The following FAM216A variants were observed in gnomAD, a reference collection of about 807,000 sequenced individuals.
The protein encoded by FAM216A is protein FAM216A.
In FAM216A, 26 loss-of-function variants were observed where a neutral mutation model predicts 37.6. The ratio of observed to expected loss-of-function variants is 0.69; its 90% confidence interval spans 0.51 to 0.96. The LOEUF is 0.96. Among genes scored for constraint, FAM216A ranks in the 40% least tolerant of loss-of-function variants. The pLI, the probability that FAM216A is intolerant of heterozygous loss-of-function variation, is 0.00. For missense variants in FAM216A, 326 were observed against 339.3 expected, an observed-to-expected ratio of 0.96 and a Z score of 0.31; for synonymous variants, 110 against 121.7, an observed-to-expected ratio of 0.90 and a Z score of 0.64.
At chr12:110,469,921 T>C (rs1228503484) in intron 1 of FAM216A, among the ~76,000 whole-genome samples, 1 of 152,172 alleles carries the variant, frequency 6.6e-6, no homozygotes, top group Non-Finnish European at 1.5e-5. Flanking sequence ...TATTTCGTTT[T>C]GAGCAGGTTT....
Position 110,483,193 on chromosome 12 carries a change from G to A in FAM216A, c.185-1885G>A, listed in dbSNP as rs1007144276. 4.4e-4 allele frequency among the ~76,000 whole-genome samples: 67 copies of A among 151,592 alleles called. No individual in the cohort carries two copies. The South Asian group carries it at 5.1e-3, about 11-fold the overall frequency. ...ACAAAAACTAGCTGGGCGTGGTGGC[G>A]GGCACCTGTAGTCCCAGCTACTCAG... On this transcript the variant is annotated intron_variant, in intron 2 of 6. Coordinates refer to ENST00000377673, the MANE Select transcript of FAM216A (RefSeq NM_013300.3).
rs373484483 is a variant in FAM216A at position 110,488,342 on chromosome 12, C to T, written c.703+399C>T. On this transcript the variant is annotated intron_variant, in intron 6 of 6. Transcript: ENST00000377673. ...AGGAGAATCGATTGAACCTGGGAGG[C>T]GGAGGTTGGAGTGAGCTGAGATTGC... Among the ~76,000 whole-genome samples, 161 of 142,944 alleles carry T rather than the reference C, an allele frequency of 1.1e-3. 3 individuals are homozygous for T. In the South Asian group the frequency reaches 0.034, roughly 30 times the overall value. The allele number at this position is 142,944 out of a possible 152,430, so 93.8% of individuals were successfully genotyped here. A position where few individuals can be genotyped will look rare whatever the true frequency, so the allele number is the denominator to read the frequency against.
chr12:110,470,373 T>C (rs780385388), intron 1 of FAM216A, among the ~76,000 whole-genome samples: 6 of 152,114 alleles, frequency 3.9e-5, no homozygotes, highest in Non-Finnish European at 8.8e-5. Flanking sequence ...TCTCTGGTGC[T>C]ACTGAAGACT....
intron 2 of FAM216A, among the ~76,000 whole-genome samples, chr12:110,482,128 C>G (rs1052078989): frequency 1.2e-4 from 18 of 152,034 alleles, no homozygotes; most frequent in Admixed American, 5.2e-4. Flanking sequence ...GTCACCCAGG[C>G]TGGAGTGCAG....
At chr12:110,480,559 G>C (rs1256614458) in intron 2 of FAM216A, among the ~76,000 whole-genome samples, 1 of 151,576 alleles carries the variant, frequency 6.6e-6, no homozygotes, top group Non-Finnish European at 1.5e-5. Context: ...CAAGTGATCT[G>C]CCCGCCTCAG....
In FAM216A at chr12:110,485,255, T is replaced by C. The variant is rs1013885135; in HGVS notation, c.306+56T>C. ...ATACTCTTTGTATTCAGAGCCGAAC[T>C]TTTTACTGAAGATCAGCTGCTTAGA... On this transcript the variant is annotated intron_variant, in intron 3 of 6. Transcript: ENST00000377673. 4 of 1,527,104 alleles carry C rather than the reference T, an allele frequency of 2.6e-6. No individual in the cohort carries two copies. In the African/African-American group the frequency reaches 5.6e-5, roughly 21 times the overall value. The allele number at this position is 1,527,104 out of a possible 1,614,324, so 94.6% of individuals were successfully genotyped here.
At chr12:110,487,138 CTT>C (rs951988566) in intron 5 of FAM216A, 17 of 146,926 alleles carry the variant, frequency 1.2e-4, no homozygotes, top group Non-Finnish European at 1.6e-4. Flanking sequence ...AGCAGAGATA[CTT>C]TTTTTTTTTT....
At chr12:110,489,890 T>G in intron 6 of FAM216A, 129 bp from the exon 7 acceptor site, 1 of 590,582 alleles carries the variant, frequency 1.7e-6, no homozygotes, top group Non-Finnish European at 3.0e-6. Flanking sequence ...ATGAGGTGAC[T>G]AAGAGCCTTG....
At chr12:110,468,562 T>C, upstream of FAM216A, 2 of 1,537,298 alleles carry the variant, frequency 1.3e-6, no homozygotes, top group Non-Finnish European at 1.7e-6. Flanking sequence ...ACCTGTATGG[T>C]GACCCTCGCG....
At chr12:110,475,879 G>A (rs569754357) in intron 2 of FAM216A, among the ~76,000 whole-genome samples, 1 of 152,252 alleles carries the variant, frequency 6.6e-6, no homozygotes, top group South Asian at 2.1e-4. Flanking sequence ...TGGGACTACA[G>A]GCATGCGCCA....
At chr12:110,470,298 C>T (rs189538077) in intron 1 of FAM216A, among the ~76,000 whole-genome samples, 67 of 151,878 alleles carry the variant, frequency 4.4e-4, no homozygotes, top group Admixed American at 3.8e-3. Context: ...CGGGGCTTCA[C>T]CGTGTTAGCC....
intron 2 of FAM216A, among the ~76,000 whole-genome samples, chr12:110,483,251 G>A (rs534992264): frequency 6.6e-6 from 1 of 150,596 alleles, no homozygotes; most frequent in Non-Finnish European, 1.5e-5. Flanking sequence ...GTGAACCCGG[G>A]AGGTGGAGCT....
At chr12:110,468,631 G>A (rs1488964185), upstream of FAM216A, 6 of 1,537,232 alleles carry the variant, frequency 3.9e-6, no homozygotes, top group Non-Finnish European at 5.2e-6. Flanking sequence ...TTGTTTTGGG[G>A]AGCATGTATA....
chr12:110,473,650 A>C (rs1427583237), intron 2 of FAM216A, among the ~76,000 whole-genome samples: 1 of 152,234 alleles, frequency 6.6e-6, no homozygotes. Context: ...TTAGCAGTGA[A>C]TCCTAAAAGA....
intron 2 of FAM216A, among the ~76,000 whole-genome samples, chr12:110,476,375 AT>A (rs1011818638): frequency 6.6e-6 from 1 of 150,722 alleles, no homozygotes; most frequent in Non-Finnish European, 1.5e-5. Context: ...AATTGTTTGA[AT>A]TTTTTTTCTT....
At position 110,486,684 on chromosome 12, in the gene FAM216A, A is replaced by G; in HGVS notation, c.587A>G (p.His196Arg). 6.2e-7 allele frequency: 1 copy of G among 1,614,058 alleles called. No individual in the cohort carries two copies. Among genetic ancestry groups the G allele is most frequent in the Non-Finnish European group, 8.5e-7 (1 of 1,179,994 alleles). Residue 196 changes from histidine (H) to arginine (R), a missense_variant, in exon 5 of 7, where the codon CAT becomes CGT. Physicochemically the swap from His to Arg is conservative, Grantham distance 29. Transcript: ENST00000377673. ...TCTGCACCTGAAATGCTCATACAGCATTCCCTTTGGCGGCCAGTGAGAAAC... is the reference window on the plus strand; with the variant it reads ...TCTGCACCTGAAATGCTCATACAGCGTTCCCTTTGGCGGCCAGTGAGAAAC... Reference protein sequence around the residue: ...AASAPEMLIQHSLWRPVRNKE... With the variant: ...AASAPEMLIQRSLWRPVRNKE...
chr12:110,468,485 G>GACA (rs1378273463), upstream of FAM216A: 28 of 1,537,236 alleles, frequency 1.8e-5, no homozygotes, highest in Non-Finnish European at 2.4e-5. Flanking sequence ...AGTAATAACG[G>GACA]ACAACAGATA....
At chr12:110,484,042 G>C (rs1216848978) in intron 2 of FAM216A, among the ~76,000 whole-genome samples, 1 of 151,934 alleles carries the variant, frequency 6.6e-6, no homozygotes, top group African/African-American at 2.4e-5. Context: ...TTGAGCCCAG[G>C]AGTTTGAGGC....
In FAM216A at chr12:110,485,112, C is replaced by T. The variant is rs770265412; in HGVS notation, c.219C>T (p.His73=). The change falls in exon 3 of 7, where the codon CAC becomes CAT. Residue 73 remains histidine (H), a synonymous_variant. Coordinates refer to ENST00000377673, the MANE Select transcript of FAM216A (RefSeq NM_013300.3). ...AAGATGGATACAAAGTGAACTCACA[C>T]ATAGCTAAGCTGCAAGAGTTATGGA... The part of the protein sequence containing the change: ...RIKDGYKVNS[H]IAKLQELWKT... 7.4e-6 allele frequency: 12 copies of T among 1,612,502 alleles called. No individual in the cohort carries two copies. Among genetic ancestry groups the T allele is most frequent in the Non-Finnish European group, 1.0e-5 (12 of 1,179,414 alleles).
Sources: allele counts gnomAD v4.1 joint callset (sites outside exome capture counted in the v4.1 genomes callset), GRCh38; gene constraint gnomAD v4.1.1; transcripts MANE v1.5; gene names NCBI Gene and HGNC (gene_info 2026-07-23, HGNC 2026-07-21).